WIPI2: variants seen among roughly 807,000 people sequenced by gnomAD.
WIPI2 encodes WD repeat domain, phosphoinositide interacting 2.
Under a neutral mutation model 52.3 loss-of-function variants are expected in WIPI2, and 28 were observed. The ratio of observed to expected loss-of-function variants is 0.54; its 90% CI spans 0.40 to 0.73. The LOEUF is 0.73. Among genes scored for constraint, WIPI2 ranks in the 30% least tolerant of loss-of-function variants. WIPI2 has a pLI of 0.00. For synonymous variants in WIPI2, 268 were observed against 245.0 expected (o/e 1.09, Z -0.88); for missense variants, 506 against 602.9 (o/e 0.84, Z 1.68).
chr7:5,217,898 T>A (rs781255606), intron 6 of WIPI2, 24 bp from the exon 7 acceptor site: 24 of 1,613,702 alleles, frequency 1.5e-5, no homozygotes, highest in Non-Finnish European at 2.0e-5. Flanking sequence ...CGGTGGCCAC[T>A]CTTTATTGGT....
intron 3 of WIPI2, among the ~76,000 whole-genome samples, chr7:5,212,867 A>C: frequency 6.6e-6 from 1 of 152,218 alleles, no homozygotes; most frequent in East Asian, 1.9e-4. Context: ...GCCGTGACTT[A>C]GTATCCATGT....
chr7:5,219,992 C>T (rs1407605115), intron 7 of WIPI2, among the ~76,000 whole-genome samples: 6 of 150,652 alleles, frequency 4.0e-5, no homozygotes, highest in East Asian at 1.9e-4. Context: ...CCTGCCACCA[C>T]GCCCGGCTAA....
At chr7:5,223,471 G>T (rs1019887817) in intron 8 of WIPI2, among the ~76,000 whole-genome samples, 1 of 151,962 alleles carries the variant, frequency 6.6e-6, no homozygotes, top group Non-Finnish European at 1.5e-5. Flanking sequence ...ATCCCCAAAC[G>T]TCACCGCTCC....
intron 7 of WIPI2, among the ~76,000 whole-genome samples, chr7:5,220,691 G>C (rs1783076118): frequency 6.6e-6 from 1 of 151,876 alleles, no homozygotes; most frequent in Non-Finnish European, 1.5e-5. Context: ...GCCCAGGCTG[G>C]TCTTGAACTC....
intron 7 of WIPI2, among the ~76,000 whole-genome samples, chr7:5,220,850 A>G (rs538743744): frequency 4.6e-5 from 7 of 151,534 alleles, no homozygotes; most frequent in African/African-American, 7.3e-5. Context: ...CTGGAGTGCA[A>G]TGGCGCGATC....
intron 3 of WIPI2, among the ~76,000 whole-genome samples, chr7:5,203,333 G>A (rs1782122720): frequency 6.6e-6 from 1 of 152,224 alleles, no homozygotes; most frequent in Admixed American, 6.5e-5. Context: ...CTCTTACCTT[G>A]CATCCTGGCG....
chr7:5,228,829 A>C (rs1373606564), intron 11 of WIPI2, among the ~76,000 whole-genome samples: 5 of 152,118 alleles, frequency 3.3e-5, no homozygotes, highest in Non-Finnish European at 7.4e-5. Context: ...CCCAGGTTCA[A>C]GGGATCCTTC....
intron 3 of WIPI2, among the ~76,000 whole-genome samples, chr7:5,210,119 G>C (rs1263536323): frequency 6.6e-6 from 1 of 152,038 alleles, no homozygotes; most frequent in Non-Finnish European, 1.5e-5. Flanking sequence ...ATGTTGGCCA[G>C]GCTGGCCTCG....
intron 4 of WIPI2, 187 bp from the exon 5 acceptor site, chr7:5,216,376 G>T: frequency 2.3e-6 from 1 of 429,516 alleles, no homozygotes; most frequent in Non-Finnish European, 4.2e-6. Context: ...AGGTTGCAGT[G>T]AGCCGAGATC....
At chr7:5,225,991 C>A in intron 9 of WIPI2, 61 bp downstream of exon 9, 1 of 1,503,684 alleles carries the variant, frequency 6.7e-7, no homozygotes, top group Admixed American at 1.9e-5. Context: ...CCACTTGCTG[C>A]CGGGATGAGA....
chr7:5,226,281 T>A (rs1783427773), intron 9 of WIPI2: 1 of 250,212 alleles, frequency 4.0e-6, no homozygotes, highest in Admixed American at 5.1e-5. Context: ...GAATGGCTCG[T>A]CTCTTACCTT....
chr7:5,192,039 C>G (rs140593394), intron 1 of WIPI2, among the ~76,000 whole-genome samples: 21 of 152,290 alleles, frequency 1.4e-4, no homozygotes, highest in African/African-American at 4.6e-4. Flanking sequence ...AATGTTCTTT[C>G]TGCTCTGCCA....
intron 3 of WIPI2, among the ~76,000 whole-genome samples, chr7:5,210,696 T>C (rs1185841586): frequency 6.6e-6 from 1 of 152,210 alleles, no homozygotes; most frequent in Non-Finnish European, 1.5e-5. Context: ...AAAATAAAAA[T>C]ACAGTTGATT....
In WIPI2 at chr7:5,227,129, G is replaced by T; in HGVS notation, c.849-51G>T. On this transcript the variant is annotated intron_variant, in intron 9 of 12. Coordinates refer to ENST00000288828, the MANE Select transcript of WIPI2 (RefSeq NM_015610.4). The surrounding 1 kb of genome is among the most constrained non-coding windows in gnomAD (Gnocchi z 8.1). ...GCGTCTGTGTGAGTAGGGGGTGGCC[G>T]TCCCCCCAGGGAGGGTGCAGCTTCA... 1 of 1,605,158 alleles carries T rather than the reference G, an allele frequency of 6.2e-7. No homozygotes were observed. Among genetic ancestry groups the T allele is most frequent in the Non-Finnish European group, 8.5e-7 (1 of 1,175,430 alleles).
chr7:5,228,972 C>T (rs932146420), intron 11 of WIPI2, among the ~76,000 whole-genome samples: 2 of 152,136 alleles, frequency 1.3e-5, no homozygotes, highest in Non-Finnish European at 2.9e-5. Flanking sequence ...CCTGCCTTGG[C>T]CTCCCCAAGT....
At chr7:5,215,745 T>C (rs1243746518) in intron 4 of WIPI2, among the ~76,000 whole-genome samples, 1 of 137,478 alleles carries the variant, frequency 7.3e-6, no homozygotes, top group African/African-American at 2.7e-5. Context: ...CATCATATCT[T>C]GAGCATTTAA....
At position 5,212,522 on chromosome 7, in the gene WIPI2, A is replaced by G. The variant is rs557118774; in HGVS notation, c.212-2013A>G. ...CCAGCCATGATCATCATTCAGTCCT[A>G]CCCTCCTTTTTGGGGCAGGACTGGT... On this transcript the variant is annotated intron_variant, in intron 3 of 12. Coordinates refer to ENST00000288828, the MANE Select transcript of WIPI2 (RefSeq NM_015610.4). 2.2e-3 allele frequency among the ~76,000 whole-genome samples: 333 copies of G among 151,876 alleles called. 2 individuals are homozygous for G. Among genetic ancestry groups the G allele is most frequent in the Non-Finnish European group, 2.4e-3 (166 of 67,926 alleles).
rs2115328420 is a variant in WIPI2, at chr7:5,230,379, C to G, written c.1253-456C>G. On this transcript the variant is annotated intron_variant, in intron 12 of 12. Coordinates refer to ENST00000288828, the MANE Select transcript of WIPI2 (RefSeq NM_015610.4). The surrounding 1 kb of genome is among the most constrained non-coding windows in gnomAD (Gnocchi z 4.8). ...GCCACAGCCTTGGCTATGTGAGCCA[C>G]CTTCTTAAAAAAGCCAACTCGCACT... 6.6e-6 allele frequency among the ~76,000 whole-genome samples: 1 copy of G among 152,338 alleles called. No individual in the cohort carries two copies. Among genetic ancestry groups the G allele is most frequent in the Non-Finnish European group, 1.5e-5 (1 of 68,034 alleles).
rs780256529 is a variant in WIPI2 at position 5,228,173 on chromosome 7, C to A, written c.1083C>A (p.Pro361=). The change falls in exon 11 of 13, where the codon CCC becomes CCA. Residue 361 remains proline, a synonymous_variant. Transcript: ENST00000288828. ...ACCTGTACATGTACAACCTGGACCCCCAGGAGGGCGGCGAGTGTGCCCTGA... is the reference window on the plus strand; with the variant it reads ...ACCTGTACATGTACAACCTGGACCCACAGGAGGGCGGCGAGTGTGCCCTGA... ...DGYLYMYNLD[P]QEGGECALMK... The A allele has an allele frequency of 6.2e-7, 1 of 1,613,694 alleles. No homozygotes were observed. Among genetic ancestry groups the A allele is most frequent in the Admixed American group, 1.7e-5 (1 of 59,996 alleles).
Sources: allele counts gnomAD v4.1 joint callset (sites outside exome capture counted in the v4.1 genomes callset), GRCh38; gene constraint gnomAD v4.1.1; non-coding constraint Gnocchi (gnomAD v3.1); transcripts MANE v1.5; gene names NCBI Gene and HGNC (gene_info 2026-07-23, HGNC 2026-07-21).